Variants in UBE3A observed in about 807,000 individuals in gnomAD.
UBE3A encodes ubiquitin-protein ligase E3A.
In UBE3A, 6 loss-of-function variants were observed where a neutral mutation model predicts 83.4. That is an observed-to-expected ratio of 0.07 (90% CI 0.04 to 0.14). The LOEUF (loss-of-function observed/expected upper bound fraction) is 0.14. Among genes scored for constraint, UBE3A ranks in the 10% least tolerant of loss-of-function variants. The pLI, the probability that UBE3A is intolerant of heterozygous loss-of-function variation, is 1.00. For missense variants in UBE3A, 456 were observed against 1,036.1 expected (o/e 0.44, Z 7.69); for synonymous variants, 337 against 355.4 (o/e 0.95, Z 0.58).
intron 7 of UBE3A, among the ~76,000 whole-genome samples, chr15:25,357,873 C>G (rs965067398): frequency 2.1e-5 from 3 of 141,210 alleles, no homozygotes; most frequent in Non-Finnish European, 4.6e-5. Flanking sequence ...TTCACATGGT[C>G]TTCACTATGC....
intron 1 of UBE3A, among the ~76,000 whole-genome samples, chr15:25,420,998 T>C (rs999036860): frequency 1.3e-5 from 2 of 152,206 alleles, no homozygotes; most frequent in Non-Finnish European, 2.9e-5. Flanking sequence ...TTTGGATACA[T>C]GCTACAACAT....
intron 6 of UBE3A, among the ~76,000 whole-genome samples, chr15:25,367,317 A>G (rs2079475563): frequency 7.3e-6 from 1 of 136,744 alleles, no homozygotes; most frequent in Non-Finnish European, 1.5e-5. Context: ...ATTAAATTAC[A>G]TATTTATATT....
intron 6 of UBE3A, among the ~76,000 whole-genome samples, chr15:25,368,163 A>T (rs1313247470): frequency 1.3e-5 from 2 of 152,160 alleles, no homozygotes; most frequent in Non-Finnish European, 2.9e-5. Flanking sequence ...TTGGGAAATA[A>T]GATCTTGAAA....
chr15:25,427,675 C>T (rs977835610), intron 1 of UBE3A, among the ~76,000 whole-genome samples: 6 of 146,092 alleles, frequency 4.1e-5, no homozygotes, highest in Non-Finnish European at 1.5e-5. Flanking sequence ...CCTGCAGTCC[C>T]AGCTACTTGG....
chr15:25,414,832 T>C (rs1039394753), intron 1 of UBE3A, among the ~76,000 whole-genome samples: 12 of 152,292 alleles, frequency 7.9e-5, no homozygotes, highest in Non-Finnish European at 1.3e-4. Context: ...TCACGTCAGA[T>C]GAGATTCTAC....
chr15:25,385,708 G>A (rs2083000029), intron 4 of UBE3A, among the ~76,000 whole-genome samples: 1 of 152,000 alleles, frequency 6.6e-6, no homozygotes, highest in African/African-American at 2.4e-5. Context: ...GCAGAGAACA[G>A]GTGAACACAT....
intron 4 of UBE3A, among the ~76,000 whole-genome samples, chr15:25,385,836 A>G (rs1056605074): frequency 2.6e-5 from 4 of 152,022 alleles, no homozygotes; most frequent in African/African-American, 7.3e-5. Context: ...GAAAGCTAAA[A>G]ACTCCAGAGT....
At chr15:25,364,641 G>GTTTTTTTTTTTTTT (rs1260418313) in intron 6 of UBE3A, among the ~76,000 whole-genome samples, 5 of 132,484 alleles carry the variant, frequency 3.8e-5, no homozygotes, top group African/African-American at 1.5e-4. Flanking sequence ...GGTTTTTTTT[G>GTTTTTTTTTTTTTT]TTTGTTTTTT....
chr15:25,399,739 A>AT (rs113590278), intron 4 of UBE3A, among the ~76,000 whole-genome samples: 29,322 of 148,164 alleles, frequency 0.2, 4,326 homozygotes, highest in East Asian at 0.42. Context: ...TGGCTTTAAA[A>AT]ATTTTTTTTT....
intron 11 of UBE3A, chr15:25,346,731 G>A (rs1473663693): frequency 6.6e-6 from 1 of 152,108 alleles, no homozygotes; most frequent in Non-Finnish European, 1.5e-5. Flanking sequence ...AATACAATAG[G>A]AGAAAAATAA....
At chr15:25,410,625 G>A (rs896616151) in intron 2 of UBE3A, among the ~76,000 whole-genome samples, 10 of 152,118 alleles carry the variant, frequency 6.6e-5, no homozygotes, top group East Asian at 1.9e-4. Flanking sequence ...GAATACCAAC[G>A]GTTAAAACAT....
chr15:25,406,995 C>T, intron 3 of UBE3A: 6 of 1,117,560 alleles, frequency 5.4e-6, no homozygotes, highest in Non-Finnish European at 7.0e-6. Context: ...AGTGACTTGG[C>T]TGTGACACAA....
intron 4 of UBE3A, among the ~76,000 whole-genome samples, chr15:25,380,264 A>G (rs2081957212): frequency 1.3e-5 from 2 of 152,096 alleles, no homozygotes; most frequent in South Asian, 4.2e-4. Context: ...AGTCTCAGGT[A>G]CGTCTTTATC....
chr15:25,366,251 A>G (rs1248779711), intron 6 of UBE3A, among the ~76,000 whole-genome samples: 2 of 152,226 alleles, frequency 1.3e-5, no homozygotes. Flanking sequence ...AATATAGTGT[A>G]TGTGTAAGAC....
At chr15:25,435,144 C>G (rs1039035909) in intron 1 of UBE3A, among the ~76,000 whole-genome samples, 25 of 149,672 alleles carry the variant, frequency 1.7e-4, no homozygotes, top group African/African-American at 6.2e-4. Context: ...ACAGTAGCAG[C>G]TGGTGGGTAG....
At chr15:25,367,268 AAT>A (rs2079437448) in intron 6 of UBE3A, among the ~76,000 whole-genome samples, 1 of 94,866 alleles carries the variant, frequency 1.1e-5, no homozygotes, top group Admixed American at 1.0e-4. Context: ...TAAATATGTA[AAT>A]ATTTACATAT....
At chr15:25,358,242 T>C (rs950648668) in intron 7 of UBE3A, among the ~76,000 whole-genome samples, 1 of 151,992 alleles carries the variant, frequency 6.6e-6, no homozygotes, top group Non-Finnish European at 1.5e-5. Flanking sequence ...TGTGGTAGCA[T>C]GTGCCTATAG....
chr15:25,382,219 G>A (rs1332786227), intron 4 of UBE3A, among the ~76,000 whole-genome samples: 1 of 151,990 alleles, frequency 6.6e-6, no homozygotes, highest in African/African-American at 2.4e-5. Flanking sequence ...TACTTGGGAG[G>A]CTGATGCAGA....
At chr15:25,419,946 A>G (rs1888926756) in intron 1 of UBE3A, among the ~76,000 whole-genome samples, 1 of 152,178 alleles carries the variant, frequency 6.6e-6, no homozygotes, top group Non-Finnish European at 1.5e-5. Flanking sequence ...AAAATGCTCC[A>G]TTAACCGAAA....
Sources: gnomAD v4.1 joint callset for allele counts (sites outside exome capture counted in the v4.1 genomes callset) on GRCh38, gnomAD v4.1.1 for gene constraint, MANE v1.5 for transcripts, NCBI Gene and HGNC (gene_info 2026-07-23, HGNC 2026-07-21) for gene names.